SYCP1: variants seen among roughly 807,000 people sequenced by gnomAD.
SYCP1 encodes synaptonemal complex protein 1, also known as cancer/testis antigen 8.
SYCP1 carries 64 observed loss-of-function variants against 153.1 expected under a neutral mutation model. The ratio of observed to expected loss-of-function variants is 0.42; its 90% CI spans 0.34 to 0.51. The LOEUF (loss-of-function observed/expected upper bound fraction) is 0.51, where lower values mean the gene tolerates loss of function less well. Ranked by LOEUF, SYCP1 falls within the 20% of genes least tolerant of loss-of-function variation. The pLI is 0.06. For synonymous variants in SYCP1, 384 were observed against 341.8 expected (o/e 1.12, Z -1.36); for missense variants, 997 against 1,049.0 (o/e 0.95, Z 0.68).
chr1:114,860,732 T>C lies in SYCP1; in HGVS notation c.525-4T>C, dbSNP rs777952376. 2 of 1,591,628 alleles carry C rather than the reference T, an allele frequency of 1.3e-6. No homozygotes were observed. The highest frequency in any genetic ancestry group is 1.7e-6 in the Non-Finnish European group (2 of 1,171,418). ...ACACAGGCAAACTCTTTCCTTTGTT[T>C]CAGGAATAATGCCACAAGGCATTTA... On this transcript the variant is annotated splice_polypyrimidine_tract_variant and splice_region_variant and intron_variant, in intron 7 of 31. Transcript: ENST00000369522.
intron 9 of SYCP1, 28 bp from the exon 10 acceptor site, chr1:114,876,037 TTAAG>T (rs761819138): frequency 6.8e-7 from 1 of 1,460,482 alleles, no homozygotes; most frequent in Admixed American, 2.3e-5. Context: ...TTAAAAAAAT[TTAAG>T]TATGATTCTT....
chr1:114,876,850 C>G (rs2101474105), intron 11 of SYCP1, 40 bp downstream of exon 11: 1 of 1,159,004 alleles, frequency 8.6e-7, no homozygotes, highest in Non-Finnish European at 1.1e-6. Context: ...TTTATATTTG[C>G]TAATTCATTA....
At chr1:114,957,908 T>C (rs1671539539) in intron 27 of SYCP1, among the ~76,000 whole-genome samples, 1 of 152,180 alleles carries the variant, frequency 6.6e-6, no homozygotes. Context: ...AGAGCTACCT[T>C]ATGACCCAGC....
At chr1:114,955,003 A>G (rs967032350) in intron 27 of SYCP1, among the ~76,000 whole-genome samples, 7 of 152,166 alleles carry the variant, frequency 4.6e-5, no homozygotes, top group African/African-American at 1.4e-4. Flanking sequence ...AAAGCATTCA[A>G]TTTTTTAACC....
At position 114,911,279 on chromosome 1, in the gene SYCP1, G is replaced by C. The variant is rs180730581; in HGVS notation, c.1426-200G>C. 1.8e-3 allele frequency among the ~76,000 whole-genome samples: 278 copies of C among 151,988 alleles called. 1 individual carries two copies. Among genetic ancestry groups the C allele is most frequent in the African/African-American group, 6.2e-3 (259 of 41,514 alleles). On this transcript the variant is annotated intron_variant, in intron 17 of 31. Coordinates refer to ENST00000369522, the MANE Select transcript of SYCP1 (RefSeq NM_003176.4). ...GGTTGAATTTTACAATATCGAGATA[G>C]AATTTACTTATACTGAATATGTCAT... is the stretch of plus-strand genomic sequence containing the variant.
intron 24 of SYCP1, 49 bp from the exon 25 acceptor site, chr1:114,944,823 T>C (rs751212334): frequency 7.8e-5 from 103 of 1,318,078 alleles, no homozygotes; most frequent in Non-Finnish European, 1.1e-4. Flanking sequence ...ACTTGTTTGT[T>C]TTTTGTGCAT....
chr1:114,934,971 C>A (rs1023140328), intron 23 of SYCP1, among the ~76,000 whole-genome samples: 5 of 152,136 alleles, frequency 3.3e-5, no homozygotes, highest in Non-Finnish European at 7.4e-5. Flanking sequence ...GACTTTAACA[C>A]CCAACTGTCA....
chr1:114,854,216 T>C (rs1416985453), upstream of SYCP1, among the ~76,000 whole-genome samples: 1 of 152,034 alleles, frequency 6.6e-6, no homozygotes, highest in Non-Finnish European at 1.5e-5. Context: ...GATTATTAGC[T>C]CACTGCAGCC....
chr1:114,963,313 A>T (rs1671898258), intron 27 of SYCP1, among the ~76,000 whole-genome samples: 1 of 152,116 alleles, frequency 6.6e-6, no homozygotes, highest in South Asian at 2.1e-4. Flanking sequence ...AAATTTTCTT[A>T]GGTTGGTTTG....
At chr1:114,927,815 G>C (rs1669355903) in intron 23 of SYCP1, among the ~76,000 whole-genome samples, 1 of 151,734 alleles carries the variant, frequency 6.6e-6, no homozygotes, top group Non-Finnish European at 1.5e-5. Flanking sequence ...GAGAGAATAG[G>C]GCAAATAAAA....
In SYCP1 at chr1:114,944,470, ATGT is replaced by A. The variant is rs767746901; in HGVS notation, c.2043+16_2043+18del. ...TTTTGGAAGAGGTGGGAAAAACTTA[ATGT>A]ATTAAGAACTTATTATACTAAAAAT... On this transcript the variant is annotated intron_variant, in intron 24 of 31. Coordinates refer to ENST00000369522, the MANE Select transcript of SYCP1 (RefSeq NM_003176.4). The A allele has an allele frequency of 2.1e-6, 3 of 1,418,930 alleles. No individual in the cohort carries two copies. The East Asian group carries it at 7.0e-5, about 33-fold the overall frequency. 87.9% of individuals were successfully genotyped at this position (1,418,930 alleles called of 1,614,324 possible). A position where few individuals can be genotyped will look rare whatever the true frequency, so the allele number is the denominator to read the frequency against.
At chr1:114,856,892 C>T (rs530199645) in intron 3 of SYCP1, among the ~76,000 whole-genome samples, 2 of 114,832 alleles carry the variant, frequency 1.7e-5, no homozygotes, top group South Asian at 2.9e-4. Context: ...TGAGACCAGC[C>T]TGGGCAACAT....
chr1:114,952,341 A>T (rs982624571), intron 27 of SYCP1, among the ~76,000 whole-genome samples: 1 of 152,102 alleles, frequency 6.6e-6, no homozygotes, highest in South Asian at 2.1e-4. Context: ...TTTTTATTTT[A>T]GTTATTCCTG....
intron 16 of SYCP1, among the ~76,000 whole-genome samples, chr1:114,897,360 A>T (rs1353116356): frequency 2.6e-5 from 4 of 152,186 alleles, no homozygotes; most frequent in Admixed American, 2.0e-4. Context: ...AAACAGGGTT[A>T]TTAGAAAATA....
intron 2 of SYCP1, among the ~76,000 whole-genome samples, chr1:114,856,101 A>G (rs939886601): frequency 1.3e-5 from 2 of 152,168 alleles, no homozygotes; most frequent in African/African-American, 4.8e-5. Context: ...AAATTAATTA[A>G]AAAAATTTAT....
chr1:114,947,140 T>A, intron 26 of SYCP1, 106 bp from the exon 27 acceptor site: 1 of 848,196 alleles, frequency 1.2e-6, no homozygotes. Context: ...TATGAGTGAA[T>A]TTATTTCTCT....
intron 9 of SYCP1, among the ~76,000 whole-genome samples, chr1:114,875,684 C>CT (rs1366595062): frequency 1.3e-5 from 2 of 152,152 alleles, no homozygotes; most frequent in African/African-American, 4.8e-5. Flanking sequence ...TGAACACATG[C>CT]TGCCAGCTGA....
At position 114,857,218 on chromosome 1, in the gene SYCP1, C is replaced by T. The variant is rs773437950; in HGVS notation, c.194-14C>T. 3 of 1,509,582 alleles carry T rather than the reference C, an allele frequency of 2.0e-6. No individual in the cohort carries two copies. Among genetic ancestry groups the T allele is most frequent in the Admixed American group, 1.8e-5 (1 of 54,992 alleles). 93.5% of individuals were successfully genotyped at this position (1,509,582 alleles called of 1,614,324 possible). On this transcript the variant is annotated splice_polypyrimidine_tract_variant and intron_variant, in intron 3 of 31. Coordinates refer to ENST00000369522, the MANE Select transcript of SYCP1 (RefSeq NM_003176.4). ...TGTTGGCGTATTTAATACCTGTTGT[C>T]TTTTATCTTGCAGATCCTGCTTTAC...
chr1:114,867,085 C>G (rs1203082059), intron 8 of SYCP1, among the ~76,000 whole-genome samples: 1 of 152,006 alleles, frequency 6.6e-6, no homozygotes, highest in Non-Finnish European at 1.5e-5. Flanking sequence ...TGTTTCTGGA[C>G]TCTCTATTTT....
Sources: gnomAD v4.1 joint callset for allele counts (sites outside exome capture counted in the v4.1 genomes callset) on GRCh38, gnomAD v4.1.1 for gene constraint, MANE v1.5 for transcripts, NCBI Gene and HGNC (gene_info 2026-07-23, HGNC 2026-07-21) for gene names.